THSD4: variants seen among roughly 807,000 people sequenced by gnomAD.
The protein encoded by THSD4 is thrombospondin type 1 domain containing 4.
In THSD4, 69 loss-of-function variants were observed where a neutral mutation model predicts 119.0. The observed-to-expected ratio is 0.58, with a 90% CI of 0.48 to 0.71. The LOEUF (loss-of-function observed/expected upper bound fraction) is 0.71. Ranked by LOEUF, THSD4 falls within the 30% of genes least tolerant of loss-of-function variation. The probability of loss-of-function intolerance (pLI) is 0.00; values close to 1 mark genes in which losing one functional copy is unlikely to be tolerated. For synonymous variants in THSD4, 524 were observed against 540.4 expected, an observed-to-expected ratio of 0.97 and a Z score of 0.42; for missense variants, 1,393 against 1,391.1, an observed-to-expected ratio of 1.00 and a Z score of -0.02.
intron 7 of THSD4, among the ~76,000 whole-genome samples, chr15:71,644,031 C>T (rs920048188): frequency 3.9e-5 from 6 of 152,180 alleles, no homozygotes; most frequent in African/African-American, 1.4e-4. Flanking sequence ...TATGAAAATA[C>T]TGAAGTAGAG....
At chr15:71,220,120 T>C (rs147544345) in intron 4 of THSD4, among the ~76,000 whole-genome samples, 7 of 152,310 alleles carry the variant, frequency 4.6e-5, no homozygotes, top group Admixed American at 4.6e-4. Flanking sequence ...ACAGTCTCTA[T>C]TCTTGGGGGC....
chr15:71,654,192 G>C (rs1203796008), intron 7 of THSD4, among the ~76,000 whole-genome samples: 2 of 152,104 alleles, frequency 1.3e-5, no homozygotes, highest in Non-Finnish European at 2.9e-5. Context: ...TGGCCTACTA[G>C]CTACAGTTTG....
chr15:71,155,082 T>G, intron 3 of THSD4, 150 bp downstream of exon 3: 1 of 717,754 alleles, frequency 1.4e-6, no homozygotes, highest in South Asian at 1.7e-5. Flanking sequence ...TACTATTCTG[T>G]TCTCACATTG....
At chr15:71,725,821 T>A (rs986893481) in intron 8 of THSD4, among the ~76,000 whole-genome samples, 4 of 152,010 alleles carry the variant, frequency 2.6e-5, no homozygotes, top group Admixed American at 2.0e-4. Context: ...CTTTTTTTTT[T>A]CTGAGACTGG....
rs2045221019 is a variant in THSD4, at chr15:71,318,434, G to A, written c.1015+61719G>A. On this transcript the variant is annotated intron_variant, in intron 6 of 17. Coordinates refer to ENST00000261862, the MANE Select transcript of THSD4 (RefSeq NM_024817.3). ...GACATTTGTTCCTTTACCACACTGA[G>A]AGATGGAATCTTAGTGGGAAGGAAC... Among the ~76,000 whole-genome samples the A allele has an allele frequency of 2.0e-5, 3 of 152,194 alleles. No homozygotes were observed. The South Asian group carries it at 6.2e-4, about 32-fold the overall frequency.
chr15:71,623,563 G>A (rs2050455834), intron 7 of THSD4, among the ~76,000 whole-genome samples: 1 of 152,198 alleles, frequency 6.6e-6, no homozygotes, highest in Non-Finnish European at 1.5e-5. Flanking sequence ...GCTTAGCACT[G>A]TATTCAGTAT....
intron 7 of THSD4, 175 bp from the exon 8 acceptor site, chr15:71,660,355 A>G: frequency 4.3e-6 from 3 of 692,796 alleles, no homozygotes; most frequent in Non-Finnish European, 7.3e-6. Flanking sequence ...ACCACCAAAC[A>G]AACTCTGTTT....
At chr15:71,596,560 T>G (rs1454461691) in intron 7 of THSD4, among the ~76,000 whole-genome samples, 1 of 152,260 alleles carries the variant, frequency 6.6e-6, no homozygotes, top group Non-Finnish European at 1.5e-5. Flanking sequence ...GGGGACAGAA[T>G]AAGATATTAG....
chr15:71,174,778 C>G (rs1231401767), intron 3 of THSD4, among the ~76,000 whole-genome samples: 1 of 151,906 alleles, frequency 6.6e-6, no homozygotes, highest in East Asian at 1.9e-4. Context: ...TCCCAGCACG[C>G]AGCTGGAGAT....
At chr15:71,700,821 GATA>G (rs1337676840) in intron 8 of THSD4, among the ~76,000 whole-genome samples, 2 of 151,614 alleles carry the variant, frequency 1.3e-5, no homozygotes, top group African/African-American at 4.8e-5. Flanking sequence ...TCAGCATTAG[GATA>G]ATAATTATTA....
At chr15:71,602,027 G>C (rs2050020541) in intron 7 of THSD4, among the ~76,000 whole-genome samples, 1 of 152,100 alleles carries the variant, frequency 6.6e-6, no homozygotes, top group Non-Finnish European at 1.5e-5. Flanking sequence ...GTAGGAGGTG[G>C]GATTTCAGCT....
In THSD4 at chr15:71,590,006, CATCA is replaced by C. The variant is rs200805543; in HGVS notation, c.1153-70519_1153-70516del. Among the ~76,000 whole-genome samples the C allele has an allele frequency of 6.5e-5, 9 of 139,226 alleles. No homozygotes were observed. In the East Asian group the frequency reaches 1.9e-3, roughly 29 times the overall value. 91.3% of individuals were successfully genotyped at this position (139,226 alleles called of 152,430 possible). ...ACTTTTTAAAAATGTAAAACAATAC[CATCA>C]ATCATTTCTAGATCTGTGCATATCA... is the stretch of plus-strand genomic sequence containing the variant. On this transcript the variant is annotated intron_variant, in intron 7 of 17. Coordinates refer to ENST00000261862, the MANE Select transcript of THSD4 (RefSeq NM_024817.3).
At chr15:71,544,405 T>G (rs1249329260) in intron 7 of THSD4, among the ~76,000 whole-genome samples, 1 of 152,180 alleles carries the variant, frequency 6.6e-6, no homozygotes. Context: ...AAAGGAAATC[T>G]AGAGCCATAG....
At position 71,120,474 on chromosome 15, in the gene THSD4, C is replaced by T. The variant is rs186604036; in HGVS notation, c.-80+4776C>T. Among the ~76,000 whole-genome samples, 14 of 152,328 alleles carry T rather than the reference C, an allele frequency of 9.2e-5. No individual in the cohort carries two copies. In the East Asian group the frequency reaches 1.2e-3, roughly 13 times the overall value. On this transcript the variant is annotated intron_variant, in intron 1 of 17. Coordinates refer to ENST00000261862, the MANE Select transcript of THSD4 (RefSeq NM_024817.3). ...GCCCATTAGCCCTGCTTCTCTAGGG[C>T]GTGGTCCGAGGGCAGTGAGCCAGGT...
chr15:71,670,304 C>A (rs1246455408), intron 8 of THSD4, among the ~76,000 whole-genome samples: 3 of 151,826 alleles, frequency 2.0e-5, no homozygotes, highest in African/African-American at 7.3e-5. Flanking sequence ...TTGTTCAATT[C>A]CCACCTATGA....
intron 8 of THSD4, among the ~76,000 whole-genome samples, chr15:71,684,856 C>A (rs1285240214): frequency 2.0e-5 from 3 of 152,170 alleles, no homozygotes; most frequent in East Asian, 3.9e-4. Context: ...CAATAAAAAA[C>A]ATCTGGCACT....
chr15:71,434,002 AAT>A (rs530936158), intron 7 of THSD4, among the ~76,000 whole-genome samples: 1 of 152,294 alleles, frequency 6.6e-6, no homozygotes, highest in Admixed American at 6.5e-5. Flanking sequence ...TTACAAAAGC[AAT>A]AGTTTTATTA....
At chr15:71,387,021 GCTGT>G in intron 6 of THSD4, among the ~76,000 whole-genome samples, 1 of 152,276 alleles carries the variant, frequency 6.6e-6, no homozygotes. Context: ...TTTTGTTTGT[GCTGT>G]CTTTTTCTTT....
At chr15:71,160,204 T>C (rs1219357621) in intron 3 of THSD4, among the ~76,000 whole-genome samples, 1 of 151,528 alleles carries the variant, frequency 6.6e-6, no homozygotes, top group East Asian at 1.9e-4. Context: ...TATAATATGC[T>C]ACTGAATTCA....
Sources: allele counts gnomAD v4.1 joint callset (sites outside exome capture counted in the v4.1 genomes callset), GRCh38; gene constraint gnomAD v4.1.1; transcripts MANE v1.5; gene names NCBI Gene and HGNC (gene_info 2026-07-23, HGNC 2026-07-21).